The following CNKSR3 variants were observed in gnomAD, a reference collection of about 807,000 sequenced individuals.
CNKSR3 encodes connector enhancer of kinase suppressor of ras 3.
A neutral mutation model predicts 67.7 loss-of-function variants in CNKSR3; 36 were observed. That is an observed-to-expected ratio of 0.53 (90% CI 0.41 to 0.70). The LOEUF (loss-of-function observed/expected upper bound fraction) is 0.70. Ranked by LOEUF, CNKSR3 falls within the 30% of genes least tolerant of loss-of-function variation. CNKSR3 has a pLI of 0.00. For synonymous variants in CNKSR3, 281 were observed against 271.4 expected, an observed-to-expected ratio of 1.04 and a Z score of -0.35; for missense variants, 630 against 695.2, an observed-to-expected ratio of 0.91 and a Z score of 1.05.
intron 4 of CNKSR3, among the ~76,000 whole-genome samples, chr6:154,440,511 T>G (rs1246437375): frequency 6.6e-6 from 1 of 152,234 alleles, no homozygotes; most frequent in Non-Finnish European, 1.5e-5. Flanking sequence ...GAAGAAATTT[T>G]TTTTTAAATT....
chr6:154,491,424 T>C (rs1786783070), intron 1 of CNKSR3, among the ~76,000 whole-genome samples: 1 of 152,220 alleles, frequency 6.6e-6, no homozygotes, highest in Non-Finnish European at 1.5e-5. Context: ...TGCACCAGTT[T>C]TCCTGCTAAC....
chr6:154,507,671 C>G (rs1467285672), intron 1 of CNKSR3, among the ~76,000 whole-genome samples: 1 of 152,148 alleles, frequency 6.6e-6, no homozygotes, highest in Non-Finnish European at 1.5e-5. Flanking sequence ...TTCTACTAAG[C>G]TGTATTTCAG....
chr6:154,435,259 T>C (rs528894181), intron 4 of CNKSR3, among the ~76,000 whole-genome samples: 2 of 152,180 alleles, frequency 1.3e-5, no homozygotes, highest in East Asian at 3.9e-4. Context: ...CCTCCCAAAA[T>C]GCTAGGGTTA....
chr6:154,430,385 AG>A, intron 6 of CNKSR3, 86 bp downstream of exon 6: 2 of 1,217,414 alleles, frequency 1.6e-6, no homozygotes, highest in Non-Finnish European at 2.3e-6. Context: ...TCAGAATTAT[AG>A]TGAAAGCAAT....
intron 1 of CNKSR3, among the ~76,000 whole-genome samples, chr6:154,470,181 T>G (rs1477927231): frequency 8.1e-6 from 1 of 123,532 alleles, no homozygotes; most frequent in South Asian, 2.8e-4. Context: ...AGAACCTACT[T>G]TCTTTCCTTT....
chr6:154,420,681 T>A (rs1584063448), intron 9 of CNKSR3, among the ~76,000 whole-genome samples: 1 of 77,834 alleles, frequency 1.3e-5, no homozygotes, highest in Non-Finnish European at 2.2e-5. Flanking sequence ...AGAGCGAGAC[T>A]CCGTCTCAAA....
At chr6:154,494,986 CCT>C (rs1208112299) in intron 1 of CNKSR3, among the ~76,000 whole-genome samples, 2 of 152,198 alleles carry the variant, frequency 1.3e-5, no homozygotes, top group African/African-American at 4.8e-5. Flanking sequence ...GGTCTCTAAT[CCT>C]CTGATTTTAT....
Position 154,417,192 on chromosome 6 carries a change from C to T in CNKSR3, c.946-2769G>A, listed in dbSNP as rs185822520. On this transcript the variant is annotated intron_variant, in intron 9 of 12. Coordinates refer to ENST00000607772, the MANE Select transcript of CNKSR3 (RefSeq NM_173515.4). Reference sequence around the variant, plus strand: ...GGTTCCCTGTCACATTGGACACTTGCTTCTCCCTAGCCTTGCTGGCCTTTC... The same window carrying T: ...GGTTCCCTGTCACATTGGACACTTGTTTCTCCCTAGCCTTGCTGGCCTTTC... 2.0e-5 allele frequency among the ~76,000 whole-genome samples: 3 copies of T among 152,320 alleles called. No individual in the cohort carries two copies. The East Asian group carries it at 5.8e-4, about 29-fold the overall frequency.
Position 154,406,289 on chromosome 6 carries a change from C to T in CNKSR3, c.*65G>A. Reference sequence around the variant, plus strand: ...ATACTGAGGCTGAAACGAGAAGAGGCTGTCCACTGTAAAAGCAAGGCACTT... The same window carrying T: ...ATACTGAGGCTGAAACGAGAAGAGGTTGTCCACTGTAAAAGCAAGGCACTT... On this transcript the variant is annotated 3_prime_UTR_variant, in exon 13 of 13. Transcript: ENST00000607772. 6.9e-6 allele frequency: 10 copies of T among 1,444,064 alleles called. No homozygotes were observed. The highest frequency in any genetic ancestry group is 9.4e-6 in the Non-Finnish European group (10 of 1,059,284). The allele number at this position is 1,444,064 out of a possible 1,614,324, so 89.5% of individuals were successfully genotyped here.
chr6:154,490,321 T>C lies in CNKSR3; in HGVS notation c.52+19742A>G, dbSNP rs74404233. 8.5e-3 allele frequency among the ~76,000 whole-genome samples: 1,291 copies of C among 152,270 alleles called. 17 individuals are homozygous for C. Among genetic ancestry groups the C allele is most frequent in the African/African-American group, 0.029 (1,221 of 41,556 alleles). On this transcript the variant is annotated intron_variant, in intron 1 of 12. Transcript: ENST00000607772. ...CTACATCCCATTAAAGAGAGGACAG[T>C]GCCTGCCTGATAGAATTCTGAATCA...
At chr6:154,474,427 G>GC (rs1786400385) in intron 1 of CNKSR3, among the ~76,000 whole-genome samples, 2 of 70,630 alleles carry the variant, frequency 2.8e-5, no homozygotes, top group East Asian at 5.7e-4. Flanking sequence ...AAAAAAAAGT[G>GC]GGGGGGGGCA....
In CNKSR3 at chr6:154,405,343, A is replaced by G. The variant is rs1232090097; in HGVS notation, c.*1011T>C. 6.5e-6 allele frequency: 1 copy of G among 152,692 alleles called. No homozygotes were observed. The highest frequency in any genetic ancestry group is 1.5e-5 in the Non-Finnish European group (1 of 68,052). 9.5% of individuals were successfully genotyped at this position (152,692 alleles called of 1,614,324 possible). A position where few individuals can be genotyped will look rare whatever the true frequency, so the allele number is the denominator to read the frequency against. On this transcript the variant is annotated 3_prime_UTR_variant, in exon 13 of 13. Coordinates refer to ENST00000607772, the MANE Select transcript of CNKSR3 (RefSeq NM_173515.4). The stretch of plus-strand genomic sequence containing the variant: ...CAACTATATTTAAAATACTTAAATT[A>G]ACAAGATAGTACTTTTCCATTCTAA...
intron 12 of CNKSR3, 148 bp downstream of exon 12, chr6:154,410,195 C>T: frequency 1.7e-6 from 1 of 572,880 alleles, no homozygotes; most frequent in Non-Finnish European, 3.1e-6. Flanking sequence ...CTTCAGCAGT[C>T]CTAATTTTAC....
chr6:154,441,157 C>A, intron 4 of CNKSR3, 135 bp downstream of exon 4: 1 of 590,662 alleles, frequency 1.7e-6, no homozygotes. Flanking sequence ...CATCTCTTCC[C>A]AGCTCTGATG....
chr6:154,406,703 C>T (rs755857528), intron 12 of CNKSR3, 51 bp from the exon 13 acceptor site: 5 of 1,514,798 alleles, frequency 3.3e-6, no homozygotes, highest in East Asian at 2.4e-5. Flanking sequence ...GGCGTGGTGG[C>T]TCACACCTGT....
chr6:154,438,424 A>C (rs1041213058), intron 4 of CNKSR3, among the ~76,000 whole-genome samples: 2 of 152,142 alleles, frequency 1.3e-5, no homozygotes, highest in Non-Finnish European at 2.9e-5. Context: ...TATTTATGGT[A>C]ACCATTTATC....
At chr6:154,504,386 A>G (rs572072608) in intron 1 of CNKSR3, among the ~76,000 whole-genome samples, 3 of 152,318 alleles carry the variant, frequency 2.0e-5, no homozygotes, top group Admixed American at 6.5e-5. Context: ...CTCAGAGAAA[A>G]CAGTTTGTGT....
intron 1 of CNKSR3, among the ~76,000 whole-genome samples, chr6:154,489,399 C>T (rs756240734): frequency 8.5e-5 from 13 of 152,176 alleles, no homozygotes; most frequent in East Asian, 7.7e-4. Context: ...GGTGTGGTGG[C>T]GCACGCCTGT....
At chr6:154,415,474 G>A (rs144770078) in intron 9 of CNKSR3, among the ~76,000 whole-genome samples, 5,938 of 151,960 alleles carry the variant, frequency 0.039, 141 homozygotes, top group African/African-American at 0.043. Context: ...CAGGTGATCC[G>A]CCCACCTCAG....
Sources: allele counts gnomAD v4.1 joint callset (sites outside exome capture counted in the v4.1 genomes callset), GRCh38; gene constraint gnomAD v4.1.1; transcripts MANE v1.5; gene names NCBI Gene and HGNC (gene_info 2026-07-23, HGNC 2026-07-21).